The following RASGRP3 variants were observed in gnomAD, a reference collection of about 807,000 sequenced individuals.
RASGRP3 encodes RAS guanyl releasing protein 3.
A neutral mutation model predicts 82.7 loss-of-function variants in RASGRP3; 54 were observed. That is an observed-to-expected ratio of 0.65 (90% CI 0.52 to 0.82). RASGRP3 has a LOEUF of 0.82. RASGRP3 is among the 40% of genes least tolerant of loss of function. The probability of loss-of-function intolerance (pLI) is 0.00; values close to 1 mark genes in which losing one functional copy is unlikely to be tolerated. For missense variants in RASGRP3, 861 were observed against 828.9 expected (o/e 1.04, Z -0.48); for synonymous variants, 309 against 300.5 (o/e 1.03, Z -0.29).
intron 11 of RASGRP3, among the ~76,000 whole-genome samples, chr2:33,535,076 AG>A (rs974002360): frequency 2.0e-5 from 3 of 152,192 alleles, no homozygotes; most frequent in African/African-American, 7.2e-5. Context: ...GCTTTAAAAA[AG>A]CTCCATTCAA....
chr2:33,511,974 T>A (rs1670968270), intron 2 of RASGRP3, 132 bp downstream of exon 2: 1 of 152,418 alleles, frequency 6.6e-6, no homozygotes, highest in Non-Finnish European at 1.5e-5. Context: ...TAGGGATAAC[T>A]TTTTCCTTAA....
At chr2:33,473,100 C>A (rs987557017), upstream of RASGRP3, among the ~76,000 whole-genome samples, 50 of 151,952 alleles carry the variant, frequency 3.3e-4, no homozygotes, top group Admixed American at 3.9e-4. Context: ...CAGTGGCTCA[C>A]GCCTGTAATC....
intron 2 of RASGRP3, among the ~76,000 whole-genome samples, chr2:33,464,242 C>T (rs904182902): frequency 2.0e-5 from 3 of 149,512 alleles, no homozygotes; most frequent in African/African-American, 7.4e-5. Flanking sequence ...TCTCAGACTC[C>T]CAAGTAGCTG....
intron 14 of RASGRP3, among the ~76,000 whole-genome samples, chr2:33,550,379 G>A (rs1462646682): frequency 1.3e-5 from 2 of 152,166 alleles, no homozygotes; most frequent in Non-Finnish European, 2.9e-5. Flanking sequence ...GGATTGCACA[G>A]CTAATCATTA....
intron 2 of RASGRP3, among the ~76,000 whole-genome samples, chr2:33,514,505 C>CAA (rs3083005): frequency 0.33 from 20,287 of 60,572 alleles, 3,361 homozygotes; most frequent in African/African-American, 0.43. Flanking sequence ...CCCATCTCTA[C>CAA]AAAAAAAAAA....
At chr2:33,525,588 C>T (rs745352717) in intron 9 of RASGRP3, among the ~76,000 whole-genome samples, 27 of 147,280 alleles carry the variant, frequency 1.8e-4, no homozygotes, top group Admixed American at 4.2e-4. Context: ...GTCCATCAGG[C>T]GTGGTGGCTC....
chr2:33,554,435 T>A (rs1675703200), intron 14 of RASGRP3, among the ~76,000 whole-genome samples: 1 of 152,122 alleles, frequency 6.6e-6, no homozygotes, highest in Admixed American at 6.6e-5. Context: ...TGTCACCCCA[T>A]GCAAGAGGTG....
rs774506351 is a variant in RASGRP3, at chr2:33,558,751, A to G, written c.1785A>G (p.Thr595=). The change falls in exon 17 of 18, where the codon ACA becomes ACG. Residue 595 remains threonine (T), a synonymous_variant. Coordinates refer to ENST00000403687, the MANE Select transcript of RASGRP3 (RefSeq NM_001139488.2). ...ACAGCAGAGCCATCACACTGGTTAC[A>G]GGCTCTTCTCGCAAGATCTCTGTGA... ...DLDSRAITLV[T]GSSRKISVRL... The G allele has an allele frequency of 6.2e-7, 1 of 1,613,986 alleles. No individual in the cohort carries two copies. Among genetic ancestry groups the G allele is most frequent in the Non-Finnish European group, 8.5e-7 (1 of 1,179,890 alleles).
At chr2:33,468,204 A>G (rs1358519617) in intron 2 of RASGRP3, among the ~76,000 whole-genome samples, 2 of 152,106 alleles carry the variant, frequency 1.3e-5, no homozygotes, top group African/African-American at 4.8e-5. Context: ...AATGCTGATG[A>G]GCATAAAGGA....
At chr2:33,532,691 A>G (rs1274373244) in intron 10 of RASGRP3, 3 of 152,188 alleles carry the variant, frequency 2.0e-5, no homozygotes, top group Non-Finnish European at 4.4e-5. Context: ...TCTTGAAATG[A>G]TACTGGGGAG....
At chr2:33,499,398 A>G (rs1669644559) in intron 1 of RASGRP3, among the ~76,000 whole-genome samples, 1 of 152,092 alleles carries the variant, frequency 6.6e-6, no homozygotes. Flanking sequence ...ATATCTACCA[A>G]AAATACAAAA....
upstream of RASGRP3, among the ~76,000 whole-genome samples, chr2:33,472,122 C>A (rs1257964094): frequency 6.6e-6 from 1 of 152,092 alleles, no homozygotes. Context: ...AGATCCTTCT[C>A]TTTAATTATT....
intron 9 of RASGRP3, 78 bp from the exon 10 acceptor site, chr2:33,527,059 C>T: frequency 1.4e-6 from 2 of 1,454,636 alleles, no homozygotes; most frequent in Non-Finnish European, 1.9e-6. Context: ...GAGGAATTTC[C>T]TAGCCACACA....
At chr2:33,471,786 A>G (rs1393932170), upstream of RASGRP3, among the ~76,000 whole-genome samples, 1 of 152,050 alleles carries the variant, frequency 6.6e-6, no homozygotes, top group Non-Finnish European at 1.5e-5. Context: ...GTTTGCTTCT[A>G]ATTATTATTT....
intron 2 of RASGRP3, among the ~76,000 whole-genome samples, chr2:33,471,402 A>G (rs1241894286): frequency 7.3e-6 from 1 of 136,972 alleles, no homozygotes; most frequent in African/African-American, 2.8e-5. Context: ...TGCTGATCTC[A>G]AACTCCTGGC....
chr2:33,461,069 G>C (rs1666337624), intron 2 of RASGRP3, among the ~76,000 whole-genome samples: 1 of 152,086 alleles, frequency 6.6e-6, no homozygotes, highest in Admixed American at 6.5e-5. Flanking sequence ...AAGATTTATT[G>C]AGCTTTATAC....
intron 1 of RASGRP3, among the ~76,000 whole-genome samples, chr2:33,508,940 A>G (rs1434101405): frequency 6.6e-6 from 1 of 152,160 alleles, no homozygotes; most frequent in Admixed American, 6.5e-5. Flanking sequence ...ATGAGTTTCT[A>G]TTGTTATGGT....
At chr2:33,508,641 T>C (rs1404660808) in intron 1 of RASGRP3, among the ~76,000 whole-genome samples, 1 of 152,190 alleles carries the variant, frequency 6.6e-6, no homozygotes, top group Non-Finnish European at 1.5e-5. Flanking sequence ...GTATGATGGA[T>C]ACCATTCTGA....
intron 14 of RASGRP3, among the ~76,000 whole-genome samples, chr2:33,552,568 A>ACAAC (rs1675476865): frequency 6.6e-6 from 1 of 152,094 alleles, no homozygotes; most frequent in Admixed American, 6.5e-5. Context: ...AAAGGAATTT[A>ACAAC]TAACTATAGC....
Sources: gnomAD v4.1 joint callset for allele counts (sites outside exome capture counted in the v4.1 genomes callset) on GRCh38, gnomAD v4.1.1 for gene constraint, MANE v1.5 for transcripts, NCBI Gene and HGNC (gene_info 2026-07-23, HGNC 2026-07-21) for gene names.